AUTS2: variants seen among roughly 807,000 people sequenced by gnomAD.
AUTS2 encodes activator of transcription and developmental regulator AUTS2, also known as autism susceptibility gene 2 protein.
AUTS2 carries 17 observed loss-of-function variants against 112.4 expected under a neutral mutation model. The ratio of observed to expected loss-of-function variants is 0.15; its 90% CI spans 0.10 to 0.23. AUTS2 has a LOEUF of 0.23. Among genes scored for constraint, AUTS2 ranks in the 10% least tolerant of loss-of-function variants. AUTS2 has a pLI of 1.00. For synonymous variants in AUTS2, 751 were observed against 702.7 expected (o/e 1.07, Z -1.09); for missense variants, 1,510 against 1,701.6 (o/e 0.89, Z 1.98).
intron 6 of AUTS2, among the ~76,000 whole-genome samples, chr7:70,745,364 A>T (rs1275610520): frequency 2.0e-5 from 3 of 152,200 alleles, no homozygotes; most frequent in Admixed American, 1.3e-4. Flanking sequence ...TGATTTGCTT[A>T]TAATGAGTGT....
At chr7:69,786,262 A>G (rs1562882210) in intron 1 of AUTS2, among the ~76,000 whole-genome samples, 1 of 152,088 alleles carries the variant, frequency 6.6e-6, no homozygotes, top group Admixed American at 6.5e-5. Flanking sequence ...AAATGCACCA[A>G]TCAGCACTCT....
At position 70,694,977 on chromosome 7, in the gene AUTS2, C is replaced by G. The variant is rs1256082666; in HGVS notation, c.691-3592C>G. On this transcript the variant is annotated intron_variant, in intron 5 of 18. Coordinates refer to ENST00000342771, the MANE Select transcript of AUTS2 (RefSeq NM_015570.4). This position sits in a 1 kb window ranked among gnomAD's most constrained non-coding sequence, Gnocchi z 4.1. ...CCCCTGGTCTTTGACGATCGCCCTT[C>G]GGGAGCCCTGCTAAAGAACCAAACC... 6.6e-6 allele frequency: 1 copy of G among 152,358 alleles called. No homozygotes were observed. Among genetic ancestry groups the G allele is most frequent in the Non-Finnish European group, 1.5e-5 (1 of 68,226 alleles). 9.4% of individuals were successfully genotyped at this position (152,358 alleles called of 1,614,324 possible).
At chr7:70,065,646 G>A (rs1045512756) in intron 2 of AUTS2, among the ~76,000 whole-genome samples, 1 of 152,080 alleles carries the variant, frequency 6.6e-6, no homozygotes, top group Non-Finnish European at 1.5e-5. Context: ...ATGGTGAGCC[G>A]AGATGGTGCC....
At chr7:70,674,474 T>TA in intron 5 of AUTS2, among the ~76,000 whole-genome samples, 1 of 152,220 alleles carries the variant, frequency 6.6e-6, no homozygotes, top group East Asian at 1.9e-4. Context: ...AGCCTCCTTT[T>TA]AAAAAAAGAA....
intron 4 of AUTS2, among the ~76,000 whole-genome samples, chr7:70,161,896 T>C (rs1322010499): frequency 6.6e-6 from 1 of 152,022 alleles, no homozygotes; most frequent in Admixed American, 6.6e-5. Context: ...CAAAGAAAAA[T>C]ACTGTTGGAG....
intron 1 of AUTS2, among the ~76,000 whole-genome samples, chr7:69,762,036 A>G (rs540759066): frequency 1.1e-4 from 16 of 152,166 alleles, no homozygotes; most frequent in South Asian, 2.1e-4. Context: ...TATGGAATTT[A>G]TATCCTAGTG....
chr7:69,604,249 G>C (rs1471264188), intron 1 of AUTS2, among the ~76,000 whole-genome samples: 1 of 152,162 alleles, frequency 6.6e-6, no homozygotes, highest in Non-Finnish European at 1.5e-5. Context: ...CTTATAACAT[G>C]CCATGTTAAT....
chr7:69,922,206 C>T (rs1795844555), intron 2 of AUTS2, among the ~76,000 whole-genome samples: 2 of 152,230 alleles, frequency 1.3e-5, no homozygotes, highest in Admixed American at 6.5e-5. Context: ...TTCATGCACG[C>T]AGTCTGTGAA....
rs867664990 is a variant in AUTS2, at chr7:69,905,478, C to T, written c.522+5980C>T. Among the ~76,000 whole-genome samples, 2 of 152,168 alleles carry T rather than the reference C, an allele frequency of 1.3e-5. 1 individual carries two copies. The highest frequency in any genetic ancestry group is 6.8e-3 in the Middle Eastern group (2 of 294). ...TATGGCTCAGACCAAGTCTGAAGGC[C>T]TGAGACTGGGGTAGTCCTCAAGTCC... On this transcript the variant is annotated intron_variant, in intron 2 of 18. Transcript: ENST00000342771.
At chr7:70,015,896 G>C (rs1800008110) in intron 2 of AUTS2, among the ~76,000 whole-genome samples, 1 of 151,534 alleles carries the variant, frequency 6.6e-6, no homozygotes, top group Admixed American at 6.6e-5. Context: ...GCCTTGCAGG[G>C]CTGCATTTCT....
At chr7:69,627,545 T>C (rs1208343076) in intron 1 of AUTS2, among the ~76,000 whole-genome samples, 3 of 151,910 alleles carry the variant, frequency 2.0e-5, no homozygotes, top group Non-Finnish European at 4.4e-5. Context: ...CTCAGACACT[T>C]TAGTAGCTAC....
At chr7:70,575,630 T>C (rs936815763) in intron 5 of AUTS2, among the ~76,000 whole-genome samples, 4 of 152,210 alleles carry the variant, frequency 2.6e-5, no homozygotes, top group African/African-American at 9.6e-5. Flanking sequence ...TGCTGTCATA[T>C]AGCAAGACCT....
intron 4 of AUTS2, among the ~76,000 whole-genome samples, chr7:70,421,684 C>T (rs1410662830): frequency 6.6e-6 from 1 of 152,204 alleles, no homozygotes; most frequent in African/African-American, 2.4e-5. Context: ...ATTTGTACAA[C>T]CTCTTTCAGT....
At chr7:69,688,157 C>G (rs1360609486) in intron 1 of AUTS2, among the ~76,000 whole-genome samples, 1 of 152,130 alleles carries the variant, frequency 6.6e-6, no homozygotes, top group Non-Finnish European at 1.5e-5. Flanking sequence ...AGGGAGTGAC[C>G]AAAAGTTATT....
At chr7:70,140,078 T>A (rs915161482) in intron 4 of AUTS2, among the ~76,000 whole-genome samples, 4 of 152,194 alleles carry the variant, frequency 2.6e-5, no homozygotes, top group Admixed American at 1.3e-4. Context: ...TTCTTTGAAT[T>A]TGCATATCTC....
At chr7:70,651,485 G>A (rs1358701243) in intron 5 of AUTS2, among the ~76,000 whole-genome samples, 1 of 152,178 alleles carries the variant, frequency 6.6e-6, no homozygotes, top group African/African-American at 2.4e-5. Flanking sequence ...ACTGAGCATT[G>A]TAGCTTAGCC....
intron 5 of AUTS2, among the ~76,000 whole-genome samples, chr7:70,507,459 T>C (rs1289501753): frequency 6.6e-6 from 1 of 152,128 alleles, no homozygotes. Flanking sequence ...TGTTTTAACA[T>C]GACAACAGCT....
rs1040018523 is a variant in AUTS2 at position 70,132,644 on chromosome 7, AG to A, written c.625-1891del. The stretch of plus-strand genomic sequence containing the variant: ...TAGCCAGAACAAATATGCACAACAA[AG>A]CCCTCTTCTCCACCCAGCTCCCTGA... On this transcript the variant is annotated intron_variant, in intron 3 of 18. Coordinates refer to ENST00000342771, the MANE Select transcript of AUTS2 (RefSeq NM_015570.4). Among the ~76,000 whole-genome samples, 15 of 152,302 alleles carry A rather than the reference AG, an allele frequency of 9.8e-5. No homozygotes were observed. In the South Asian group the frequency reaches 2.1e-3, roughly 21 times the overall value.
intron 5 of AUTS2, among the ~76,000 whole-genome samples, chr7:70,508,920 C>G (rs1344126553): frequency 2.0e-5 from 3 of 152,182 alleles, no homozygotes; most frequent in Admixed American, 6.5e-5. Context: ...AGAACTGAAG[C>G]CTTTTTCTAG....
Sources: gnomAD v4.1 joint callset for allele counts (sites outside exome capture counted in the v4.1 genomes callset) on GRCh38, gnomAD v4.1.1 for gene constraint, Gnocchi (gnomAD v3.1) non-coding constraint, MANE v1.5 for transcripts, NCBI Gene and HGNC (gene_info 2026-07-23, HGNC 2026-07-21) for gene names.